Variants in DLG2 observed in about 807,000 individuals in gnomAD.
DLG2 encodes the protein disks large homolog 2.
In DLG2, 45 loss-of-function variants were observed where a neutral mutation model predicts 132.5. That is an observed-to-expected ratio of 0.34 (90% CI 0.27 to 0.44). DLG2 has a LOEUF of 0.44. Ranked by LOEUF, DLG2 falls within the 20% of genes least tolerant of loss-of-function variation. The probability of loss-of-function intolerance (pLI) is 1.00; values close to 1 mark genes in which losing one functional copy is unlikely to be tolerated. For missense variants in DLG2, 1,045 were observed against 1,196.9 expected (o/e 0.87, Z 1.87); for synonymous variants, 424 against 419.6 (o/e 1.01, Z -0.13).
At chr11:84,353,174 C>G (rs954622457) in intron 7 of DLG2, among the ~76,000 whole-genome samples, 1 of 152,324 alleles carries the variant, frequency 6.6e-6, no homozygotes, top group South Asian at 2.1e-4. Flanking sequence ...TCTCAACTTA[C>G]TGCCAACTGT....
chr11:85,508,123 T>C (rs2093977275), intron 3 of DLG2, among the ~76,000 whole-genome samples: 1 of 152,056 alleles, frequency 6.6e-6, no homozygotes, highest in South Asian at 2.1e-4. Context: ...TCTTTCAAGG[T>C]TTTTAGCTTA....
At chr11:83,879,293 TATTA>T (rs2065546180) in intron 15 of DLG2, among the ~76,000 whole-genome samples, 1 of 152,206 alleles carries the variant, frequency 6.6e-6, no homozygotes, top group Non-Finnish European at 1.5e-5. Context: ...TTGTGTACTT[TATTA>T]ATTAACTGAT....
At chr11:85,240,736 A>G (rs947930951) in intron 4 of DLG2, among the ~76,000 whole-genome samples, 4 of 151,766 alleles carry the variant, frequency 2.6e-5, no homozygotes, top group African/African-American at 9.7e-5. Flanking sequence ...TTTTTAAGTT[A>G]CCTTTCATTC....
At chr11:84,832,163 G>C (rs1393496780) in intron 6 of DLG2, among the ~76,000 whole-genome samples, 1 of 151,570 alleles carries the variant, frequency 6.6e-6, no homozygotes. Context: ...CTCACAGTTA[G>C]AAACTTTATT....
intron 6 of DLG2, among the ~76,000 whole-genome samples, chr11:84,996,969 G>T (rs956009913): frequency 6.6e-6 from 1 of 152,126 alleles, no homozygotes; most frequent in South Asian, 2.1e-4. Flanking sequence ...AAGAAGTTAA[G>T]AAATGCCTTG....
At chr11:84,297,130 GA>G (rs1371157932) in intron 7 of DLG2, among the ~76,000 whole-genome samples, 62 of 146,642 alleles carry the variant, frequency 4.2e-4, no homozygotes, top group African/African-American at 1.2e-3. Flanking sequence ...CAAAGAATTT[GA>G]AAAAAAAAAA....
intron 6 of DLG2, among the ~76,000 whole-genome samples, chr11:84,988,700 G>C (rs1392591017): frequency 2.0e-5 from 3 of 152,118 alleles, no homozygotes; most frequent in African/African-American, 7.2e-5. Flanking sequence ...ATGACACAAT[G>C]AACTTTGAGA....
intron 18 of DLG2, among the ~76,000 whole-genome samples, chr11:83,704,378 G>C (rs1005463033): frequency 6.6e-6 from 1 of 152,062 alleles, no homozygotes; most frequent in Non-Finnish European, 1.5e-5. Flanking sequence ...ACAGAAACCA[G>C]TGGTTGCCTC....
intron 14 of DLG2, among the ~76,000 whole-genome samples, chr11:83,941,162 AGG>A (rs2082568986): frequency 6.6e-6 from 1 of 152,218 alleles, no homozygotes; most frequent in Admixed American, 6.5e-5. Context: ...CTATTACATG[AGG>A]CACATTTATA....
intron 6 of DLG2, among the ~76,000 whole-genome samples, chr11:84,788,104 A>AAAG (rs1398050798): frequency 6.8e-6 from 1 of 147,872 alleles, no homozygotes; most frequent in African/African-American, 2.5e-5. Flanking sequence ...ATGTCTCAAA[A>AAAG]AAAAAAAAAA....
chr11:83,767,127 C>T (rs1477079092), intron 18 of DLG2, among the ~76,000 whole-genome samples: 1 of 152,088 alleles, frequency 6.6e-6, no homozygotes, highest in Non-Finnish European at 1.5e-5. Flanking sequence ...TCTGAAAAGT[C>T]CTATTTGCCT....
chr11:83,976,476 A>G (rs781371520), intron 12 of DLG2, among the ~76,000 whole-genome samples: 1 of 151,926 alleles, frequency 6.6e-6, no homozygotes. Flanking sequence ...GGGAAGATAC[A>G]AAGAATATGA....
intron 17 of DLG2, among the ~76,000 whole-genome samples, chr11:83,800,070 G>A (rs2043937645): frequency 6.6e-6 from 1 of 152,118 alleles, no homozygotes; most frequent in South Asian, 2.1e-4. Context: ...CTCTCCTGAC[G>A]TACACAAAGA....
intron 6 of DLG2, among the ~76,000 whole-genome samples, chr11:85,069,043 A>C (rs538439034): frequency 1.7e-4 from 26 of 151,910 alleles, no homozygotes; most frequent in Non-Finnish European, 3.2e-4. Context: ...CAAAAACAAG[A>C]AATGGGGAAA....
intron 13 of DLG2, among the ~76,000 whole-genome samples, chr11:83,964,684 G>A (rs924029171): frequency 6.6e-6 from 1 of 151,972 alleles, no homozygotes; most frequent in Non-Finnish European, 1.5e-5. Flanking sequence ...AAGAAGAGGA[G>A]AACATATGAG....
chr11:85,209,595 C>CTTTTTTTTTT (rs60317922), intron 4 of DLG2, among the ~76,000 whole-genome samples: 6 of 116,936 alleles, frequency 5.1e-5, no homozygotes, highest in East Asian at 5.1e-4. Context: ...ACCCAGCTAA[C>CTTTTTTTTTT]TTTTTTTTTT....
At chr11:83,500,273 C>T (rs180934997) in intron 21 of DLG2, among the ~76,000 whole-genome samples, 21 of 151,900 alleles carry the variant, frequency 1.4e-4, no homozygotes, top group Non-Finnish European at 5.9e-5. Context: ...GTATCTAGGA[C>T]GGAGGATCCT....
chr11:85,059,698 T>A (rs1257575941), intron 6 of DLG2, among the ~76,000 whole-genome samples: 1 of 151,658 alleles, frequency 6.6e-6, no homozygotes, highest in East Asian at 1.9e-4. Context: ...CATATAAGTT[T>A]CACAGGTGTA....
chr11:84,088,405 C>T (rs1273252962), intron 10 of DLG2, among the ~76,000 whole-genome samples: 2 of 151,450 alleles, frequency 1.3e-5, no homozygotes, highest in African/African-American at 2.4e-5. Context: ...TCCAACGAGT[C>T]ATGTTTGCCA....
Sources: gnomAD v4.1 joint callset for allele counts (sites outside exome capture counted in the v4.1 genomes callset) on GRCh38, gnomAD v4.1.1 for gene constraint, MANE v1.5 for transcripts, NCBI Gene and HGNC (gene_info 2026-07-23, HGNC 2026-07-21) for gene names.